SIPA1L3: variants seen among roughly 807,000 people sequenced by gnomAD.
The protein encoded by SIPA1L3 is signal-induced proliferation-associated 1-like protein 3.
Under a neutral mutation model 150.1 loss-of-function variants are expected in SIPA1L3, and 59 were observed. The ratio of observed to expected loss-of-function variants is 0.39; its 90% CI spans 0.32 to 0.49. The LOEUF (loss-of-function observed/expected upper bound fraction) is 0.49, where lower values mean the gene tolerates loss of function less well. Ranked by LOEUF, SIPA1L3 falls within the 20% of genes least tolerant of loss-of-function variation. The pLI, the probability that SIPA1L3 is intolerant of heterozygous loss-of-function variation, is 0.86. For synonymous variants in SIPA1L3, 1,070 were observed against 1,077.6 expected (o/e 0.99, Z 0.14); for missense variants, 2,211 against 2,489.5 (o/e 0.89, Z 2.38).
intron 1 of SIPA1L3, among the ~76,000 whole-genome samples, chr19:37,960,127 A>G (rs1248047821): frequency 1.3e-5 from 2 of 151,948 alleles, no homozygotes; most frequent in African/African-American, 4.8e-5. Context: ...TTTCTTTCTT[A>G]TTGTAAATTG....
At chr19:37,976,166 A>G (rs1967071567) in intron 1 of SIPA1L3, among the ~76,000 whole-genome samples, 1 of 151,252 alleles carries the variant, frequency 6.6e-6, no homozygotes, top group African/African-American at 2.4e-5. Context: ...GGTGGGGGCC[A>G]GGGATGCTGA....
At chr19:37,927,742 G>A (rs1204962436) in intron 1 of SIPA1L3, among the ~76,000 whole-genome samples, 1 of 151,884 alleles carries the variant, frequency 6.6e-6, no homozygotes, top group Non-Finnish European at 1.5e-5. Flanking sequence ...GTGTGTGTGT[G>A]TGTGTACGTG....
At chr19:38,199,242 C>CA (rs1296955422) in intron 19 of SIPA1L3, among the ~76,000 whole-genome samples, 1 of 152,216 alleles carries the variant, frequency 6.6e-6, no homozygotes, top group Non-Finnish European at 1.5e-5. Context: ...TGTGGGTCTC[C>CA]AAGCATCCTG....
intron 1 of SIPA1L3, among the ~76,000 whole-genome samples, chr19:37,965,773 GTCGGTA>G (rs986839002): frequency 2.3e-5 from 3 of 133,284 alleles, no homozygotes; most frequent in African/African-American, 8.7e-5. Context: ...TTTTTCTGAT[GTCGGTA>G]TCATCAAATG....
intron 8 of SIPA1L3, among the ~76,000 whole-genome samples, chr19:38,114,370 C>T (rs1035937711): frequency 2.0e-5 from 3 of 150,934 alleles, no homozygotes. Flanking sequence ...TTGCAGTGAG[C>T]CGAGATCATG....
At chr19:38,147,208 C>T (rs1235991800) in intron 12 of SIPA1L3, among the ~76,000 whole-genome samples, 4 of 151,926 alleles carry the variant, frequency 2.6e-5, no homozygotes, top group Non-Finnish European at 5.9e-5. Context: ...ATTACAGGTA[C>T]GCACAACCCT....
intron 1 of SIPA1L3, among the ~76,000 whole-genome samples, chr19:38,025,482 C>G (rs532790795): frequency 2.5e-4 from 38 of 152,330 alleles, no homozygotes; most frequent in Admixed American, 5.9e-4. Context: ...CTTCCTCTCT[C>G]CTGCATGAGG....
chr19:38,115,996 G>A (rs942358538), intron 8 of SIPA1L3, among the ~76,000 whole-genome samples: 2 of 152,168 alleles, frequency 1.3e-5, no homozygotes, highest in South Asian at 2.1e-4. Context: ...GTAAGGGGAG[G>A]GAATCAACAA....
At chr19:38,060,571 C>T (rs553014587) in intron 2 of SIPA1L3, among the ~76,000 whole-genome samples, 2 of 152,284 alleles carry the variant, frequency 1.3e-5, no homozygotes, top group South Asian at 4.1e-4. Flanking sequence ...TGGCACACAC[C>T]GTCGCTCCCC....
intron 3 of SIPA1L3, among the ~76,000 whole-genome samples, chr19:38,085,745 G>A (rs989170351): frequency 2.0e-5 from 3 of 152,306 alleles, no homozygotes; most frequent in South Asian, 2.1e-4. Context: ...TGTAATCCCC[G>A]CACTTTGGGA....
intron 1 of SIPA1L3, among the ~76,000 whole-genome samples, chr19:37,998,863 T>C (rs1967707759): frequency 6.6e-6 from 1 of 152,066 alleles, no homozygotes; most frequent in Non-Finnish European, 1.5e-5. Context: ...TAGATGAAGC[T>C]AATATGGCAG....
chr19:38,112,033 A>G (rs952196211), intron 8 of SIPA1L3, among the ~76,000 whole-genome samples: 1 of 150,242 alleles, frequency 6.7e-6, no homozygotes, highest in Non-Finnish European at 1.5e-5. Flanking sequence ...ACGTATGCAC[A>G]CACCATGCGT....
intron 1 of SIPA1L3, among the ~76,000 whole-genome samples, chr19:37,979,890 G>T (rs1325720430): frequency 6.6e-6 from 1 of 152,232 alleles, no homozygotes. Flanking sequence ...TTCGGCTGGC[G>T]GTGGGTCTGT....
intron 2 of SIPA1L3, among the ~76,000 whole-genome samples, chr19:38,043,573 G>C (rs1057501587): frequency 6.6e-6 from 1 of 152,194 alleles, no homozygotes; most frequent in Non-Finnish European, 1.5e-5. Context: ...TCAGGCCCAA[G>C]AGGTTTAGGA....
chr19:38,169,206 C>T (rs1486231655), intron 15 of SIPA1L3, among the ~76,000 whole-genome samples: 5 of 152,056 alleles, frequency 3.3e-5, no homozygotes, highest in African/African-American at 9.7e-5. Context: ...CTGACCAACA[C>T]GGTGAAACCC....
At chr19:38,133,016 T>G (rs1971348982) in intron 10 of SIPA1L3, among the ~76,000 whole-genome samples, 1 of 152,222 alleles carries the variant, frequency 6.6e-6, no homozygotes, top group Admixed American at 6.5e-5. Flanking sequence ...TTCCTGGCTT[T>G]AGCTGGCGGC....
chr19:37,944,448 G>C (rs778425432), intron 1 of SIPA1L3, among the ~76,000 whole-genome samples: 1 of 152,160 alleles, frequency 6.6e-6, no homozygotes, highest in African/African-American at 2.4e-5. Flanking sequence ...TAGTATTGCT[G>C]TGTACTGACT....
intron 2 of SIPA1L3, among the ~76,000 whole-genome samples, chr19:38,034,414 G>A (rs1342341743): frequency 6.6e-6 from 1 of 152,056 alleles, no homozygotes; most frequent in African/African-American, 2.4e-5. Flanking sequence ...AGGCACGAGT[G>A]GTGAAGCTGC....
intron 15 of SIPA1L3, among the ~76,000 whole-genome samples, chr19:38,181,090 T>A (rs899078653): frequency 6.6e-6 from 1 of 152,212 alleles, no homozygotes; most frequent in Non-Finnish European, 1.5e-5. Flanking sequence ...CTCACTGAGC[T>A]GGGAAGAGGT....
Sources: gnomAD v4.1 joint callset for allele counts (sites outside exome capture counted in the v4.1 genomes callset) on GRCh38, gnomAD v4.1.1 for gene constraint, MANE v1.5 for transcripts, NCBI Gene and HGNC (gene_info 2026-07-23, HGNC 2026-07-21) for gene names.